The following LOC128462377 variants were observed in gnomAD, a reference collection of about 807,000 sequenced individuals.
At chr16:89,392,323 T>C in the LOC128462377 span, 2 of 152,436 alleles carry the variant, frequency 1.3e-5, no homozygotes, top group South Asian at 2.1e-4. Context: ...GGAGCAAGCA[T>C]TTCAAACACA....
chr16:89,412,660 T>G, the LOC128462377 span: 1 of 152,110 alleles, frequency 6.6e-6, no homozygotes, highest in Non-Finnish European at 1.5e-5. Flanking sequence ...AGTACTCTTT[T>G]GCTAGATCCA....
At chr16:89,336,129 A>T in the LOC128462377 span, among the ~76,000 whole-genome samples, 3 of 152,246 alleles carry the variant, frequency 2.0e-5, no homozygotes, top group African/African-American at 7.2e-5. Context: ...GTTTTCTGCC[A>T]TGTAATCCAC....
the LOC128462377 span, among the ~76,000 whole-genome samples, chr16:89,339,446 T>C: frequency 6.6e-6 from 1 of 151,988 alleles, no homozygotes; most frequent in Admixed American, 6.6e-5. Context: ...GAAAGCCCCA[T>C]GGTCCGAGGA....
chr16:89,355,456 T>A, the LOC128462377 span, among the ~76,000 whole-genome samples: 1 of 152,136 alleles, frequency 6.6e-6, no homozygotes, highest in African/African-American at 2.4e-5. Flanking sequence ...AAAGACCTAA[T>A]CAAGGCTGAC....
the LOC128462377 span, among the ~76,000 whole-genome samples, chr16:89,334,144 T>TTAAAAA: frequency 2.4e-5 from 1 of 41,410 alleles, no homozygotes; most frequent in African/African-American, 9.6e-5. Context: ...CCCTGTGTTT[T>TTAAAAA]AAAAAAAAAA....
At chr16:89,393,753 T>G in the LOC128462377 span, among the ~76,000 whole-genome samples, 1 of 152,222 alleles carries the variant, frequency 6.6e-6, no homozygotes, top group South Asian at 2.1e-4. Context: ...GCTGGGCCTA[T>G]TGCCCTTCAT....
the LOC128462377 span, chr16:89,319,954 G>A: frequency 1.3e-5 from 2 of 152,362 alleles, no homozygotes; most frequent in East Asian, 1.9e-4. Context: ...CCTCCACCAG[G>A]CTCAGGGCTG....
At chr16:89,393,385 G>A in the LOC128462377 span, among the ~76,000 whole-genome samples, 1 of 149,818 alleles carries the variant, frequency 6.7e-6, no homozygotes, top group Non-Finnish European at 1.5e-5. Context: ...GTACAGTGGC[G>A]CAATATTGGC....
At chr16:89,317,901 C>A in the LOC128462377 span, among the ~76,000 whole-genome samples, 1 of 152,134 alleles carries the variant, frequency 6.6e-6, no homozygotes, top group Non-Finnish European at 1.5e-5. Flanking sequence ...CCTTCTTACC[C>A]AAGTTCACGC....
the LOC128462377 span, among the ~76,000 whole-genome samples, chr16:89,415,829 C>CAAAAAAAAAAAAACAAA: frequency 2.5e-5 from 1 of 39,744 alleles, no homozygotes. Context: ...GACTCTGTCT[C>CAAAAAAAAAAAAACAAA]AAAAAAAAAA....
chr16:89,334,172 AAC>A, the LOC128462377 span, among the ~76,000 whole-genome samples: 3 of 148,972 alleles, frequency 2.0e-5, no homozygotes, highest in South Asian at 4.2e-4. Context: ...AAAAAAAAAA[AAC>A]AGAGAGAGAG....
the LOC128462377 span, among the ~76,000 whole-genome samples, chr16:89,399,835 G>C: frequency 6.6e-6 from 1 of 152,266 alleles, no homozygotes; most frequent in Middle Eastern, 3.4e-3. Flanking sequence ...CATCCTGTCA[G>C]AAAGACAAAA....
At chr16:89,323,773 C>T in the LOC128462377 span, 1 of 255,994 alleles carries the variant, frequency 3.9e-6, no homozygotes, top group Non-Finnish European at 7.6e-6. Flanking sequence ...CAGGGCCGCA[C>T]CAGCTCTCTC....
chr16:89,416,661 G>A, the LOC128462377 span, among the ~76,000 whole-genome samples: 8 of 151,588 alleles, frequency 5.3e-5, no homozygotes. Flanking sequence ...CAGGTGTGGT[G>A]GCTCACACCT....
chr16:89,348,982 G>C, the LOC128462377 span, among the ~76,000 whole-genome samples: 4 of 150,534 alleles, frequency 2.7e-5, no homozygotes, highest in African/African-American at 9.8e-5. Flanking sequence ...ACAAAAACTA[G>C]CCAGGAGTAG....
At chr16:89,369,769 A>G in the LOC128462377 span, among the ~76,000 whole-genome samples, 2 of 152,222 alleles carry the variant, frequency 1.3e-5, no homozygotes, top group Non-Finnish European at 2.9e-5. Context: ...GTCTAAGACC[A>G]GAGGGTTTCA....
the LOC128462377 span, among the ~76,000 whole-genome samples, chr16:89,358,586 G>C: frequency 1.3e-5 from 2 of 152,276 alleles, no homozygotes; most frequent in East Asian, 3.9e-4. Context: ...ATTCATCTAT[G>C]TACTCACAAA....
chr16:89,375,526 C>A, the LOC128462377 span, among the ~76,000 whole-genome samples: 1 of 151,990 alleles, frequency 6.6e-6, no homozygotes, highest in Admixed American at 6.6e-5. Context: ...GTGGCACGAT[C>A]TTGGCTCGCT....
At chr16:89,382,338 T>A in the LOC128462377 span, among the ~76,000 whole-genome samples, 1 of 145,362 alleles carries the variant, frequency 6.9e-6, no homozygotes, top group African/African-American at 2.8e-5. Flanking sequence ...TATATATATT[T>A]TTTTAAAGAC....
Sources: gnomAD v4.1 joint callset for allele counts (sites outside exome capture counted in the v4.1 genomes callset) on GRCh38, gnomAD v4.1.1 for gene constraint, MANE v1.5 for transcripts.